FAM47E: variants seen among roughly 807,000 people sequenced by gnomAD.
FAM47E encodes family with sequence similarity 47 member E, also known as protein FAM47E.
FAM47E carries 32 observed loss-of-function variants against 41.6 expected under a neutral mutation model. The ratio of observed to expected loss-of-function variants is 0.77; its 90% confidence interval spans 0.58 to 1.03. FAM47E has a LOEUF of 1.03. FAM47E is among the 50% of genes least tolerant of loss of function. The pLI is 0.00. For missense variants in FAM47E, 424 were observed against 485.4 expected, an observed-to-expected ratio of 0.87 and a Z score of 1.19; for synonymous variants, 184 against 188.7, an observed-to-expected ratio of 0.98 and a Z score of 0.20.
At chr4:76,257,835 A>G (rs1026439602) in intron 2 of FAM47E, among the ~76,000 whole-genome samples, 4 of 152,074 alleles carry the variant, frequency 2.6e-5, no homozygotes, top group Non-Finnish European at 5.9e-5. Flanking sequence ...CTCCTCCCAC[A>G]ATGAAAGCTT....
intron 2 of FAM47E, among the ~76,000 whole-genome samples, chr4:76,240,533 G>A (rs1199374969): frequency 6.6e-6 from 1 of 152,074 alleles, no homozygotes; most frequent in Non-Finnish European, 1.5e-5. Flanking sequence ...CCTGTGTGGG[G>A]CTGTTTGACG....
chr4:76,217,750 G>A (rs1195442726), intron 2 of FAM47E: 3 of 500,696 alleles, frequency 6.0e-6, no homozygotes, highest in Non-Finnish European at 7.2e-6. Context: ...GCTGTGGCAA[G>A]GAGATACGGT....
intron 7 of FAM47E, 104 bp from the exon 8 acceptor site, chr4:76,283,277 T>TA (rs1735434570): frequency 1.5e-6 from 1 of 656,706 alleles, no homozygotes; most frequent in African/African-American, 1.8e-5. Flanking sequence ...GGATATATAT[T>TA]AGAGTGTGAA....
rs143622615 is a variant in FAM47E, at chr4:76,264,795, C to T, written c.560+952C>T. Among the ~76,000 whole-genome samples, 382 of 152,298 alleles carry T rather than the reference C, an allele frequency of 2.5e-3. 2 individuals carry two copies. Among genetic ancestry groups the T allele is most frequent in the African/African-American group, 8.7e-3 (362 of 41,548 alleles). On this transcript the variant is annotated intron_variant, in intron 3 of 7. Coordinates refer to ENST00000424749, the MANE Select transcript of FAM47E (RefSeq NM_001136570.3). ...ACTTTTGGTAGAGGCAAAGTTTCGC[C>T]ATGTTGGCCAGCCTAGTCTTGAACT...
intron 2 of FAM47E, among the ~76,000 whole-genome samples, chr4:76,256,834 G>A (rs1734216270): frequency 6.6e-6 from 1 of 152,164 alleles, no homozygotes; most frequent in Non-Finnish European, 1.5e-5. Context: ...TGTACTTTGT[G>A]TTGTGACTTT....
intron 2 of FAM47E, among the ~76,000 whole-genome samples, chr4:76,228,296 A>G (rs1733434080): frequency 6.6e-6 from 1 of 152,056 alleles, no homozygotes; most frequent in African/African-American, 2.4e-5. Context: ...CCTGGCCAAC[A>G]TGGTGAAACC....
upstream of FAM47E, among the ~76,000 whole-genome samples, chr4:76,247,031 C>A (rs578089190): frequency 3.3e-5 from 5 of 152,128 alleles, no homozygotes; most frequent in South Asian, 4.1e-4. Flanking sequence ...CAATATTATG[C>A]AATCATTATC....
intron 2 of FAM47E, among the ~76,000 whole-genome samples, chr4:76,232,997 G>C (rs942858295): frequency 6.6e-6 from 1 of 152,114 alleles, no homozygotes; most frequent in African/African-American, 2.4e-5. Flanking sequence ...CCAGTTGTTT[G>C]AACCTTCAGC....
intron 2 of FAM47E, among the ~76,000 whole-genome samples, chr4:76,226,280 G>T (rs1733396989): frequency 6.6e-6 from 1 of 152,164 alleles, no homozygotes; most frequent in African/African-American, 2.4e-5. Flanking sequence ...AACAGGTGAG[G>T]ACATGAGGAC....
intron 3 of FAM47E, among the ~76,000 whole-genome samples, chr4:76,264,055 G>A (rs1393347932): frequency 6.6e-6 from 1 of 152,188 alleles, no homozygotes; most frequent in Non-Finnish European, 1.5e-5. Flanking sequence ...GCAGACACAG[G>A]CGTCTATAAG....
intron 2 of FAM47E, among the ~76,000 whole-genome samples, chr4:76,240,849 C>A (rs1161134705): frequency 6.6e-6 from 1 of 152,082 alleles, no homozygotes; most frequent in African/African-American, 2.4e-5. Context: ...CTTTGGGTAA[C>A]TTTAAGACAG....
Position 76,251,864 on chromosome 4 carries a change from C to G in FAM47E, c.74+44C>G, listed in dbSNP as rs546112106. ...GGCCGAGGGCGCATCCCACGCGGGC[C>G]GCGCGGGGGCGCCTGGAGACCCGCG... On this transcript the variant is annotated intron_variant, in intron 1 of 7. Coordinates refer to ENST00000424749, the MANE Select transcript of FAM47E (RefSeq NM_001136570.3). 7 of 1,364,980 alleles carry G rather than the reference C, an allele frequency of 5.1e-6. No homozygotes were observed. The Admixed American group carries it at 1.9e-4, about 36-fold the overall frequency. 84.6% of individuals were successfully genotyped at this position (1,364,980 alleles called of 1,614,324 possible). A position where few individuals can be genotyped will look rare whatever the true frequency, so the allele number is the denominator to read the frequency against.
chr4:76,215,210 G>A (rs748198155), intron 1 of FAM47E, among the ~76,000 whole-genome samples: 7 of 152,216 alleles, frequency 4.6e-5, no homozygotes, highest in Non-Finnish European at 8.8e-5. Context: ...TATCTACACT[G>A]CAAGATCCAA....
rs1438077730 is a variant in FAM47E at position 76,251,799 on chromosome 4, A to C, written c.53A>C (p.Glu18Ala). Residue 18 changes from glutamate (E) to alanine (A), a missense_variant, in exon 1 of 8, where the codon GAG (glutamate) becomes GCG (alanine). By Grantham distance (107) the Glu-to-Ala change is moderately radical. Coordinates refer to ENST00000424749, the MANE Select transcript of FAM47E (RefSeq NM_001136570.3). Reference sequence around the variant, plus strand: ...CCGGGGACGTTGGCCCCGGTGCGCGAGGGCGTGAACTGCAGGTCCAGGTAA... The same window carrying C: ...CCGGGGACGTTGGCCCCGGTGCGCGCGGGCGTGAACTGCAGGTCCAGGTAA... ...LRPGTLAPVR[E>A]GVNCRSRCFT... The C allele has an allele frequency of 6.7e-7, 1 of 1,490,560 alleles. No homozygotes were observed. Among genetic ancestry groups the C allele is most frequent in the Non-Finnish European group, 8.9e-7 (1 of 1,126,742 alleles). 92.3% of individuals were successfully genotyped at this position (1,490,560 alleles called of 1,614,324 possible).
Position 76,278,338 on chromosome 4 carries a change from C to T in FAM47E, c.1026+114C>T, listed in dbSNP as rs111246533. 2,130 of 1,159,092 alleles carry T rather than the reference C, an allele frequency of 1.8e-3. 18 individuals are homozygous for T. In the African/African-American group the frequency reaches 0.03, roughly 16 times the overall value. 71.8% of individuals were successfully genotyped at this position (1,159,092 alleles called of 1,614,324 possible). On this transcript the variant is annotated intron_variant, in intron 6 of 7. Transcript: ENST00000424749. ...TAATACAAAGGCTCCTGAAAGCCCT[C>T]CACCTTGCATATTGAATTCAGCAAG... is the stretch of plus-strand genomic sequence containing the variant.
At chr4:76,246,550 G>C (rs1164300413) in intron 2 of FAM47E, among the ~76,000 whole-genome samples, 2 of 151,832 alleles carry the variant, frequency 1.3e-5, no homozygotes, top group African/African-American at 4.8e-5. Flanking sequence ...TTCTCTTATT[G>C]AATAACTTAC....
At chr4:76,272,645 C>T (rs1271997974) in intron 5 of FAM47E, among the ~76,000 whole-genome samples, 1 of 152,098 alleles carries the variant, frequency 6.6e-6, no homozygotes, top group East Asian at 1.9e-4. Context: ...TTTTTCCATT[C>T]TCCTTTCATC....
intron 4 of FAM47E, 49 bp from the exon 5 acceptor site, chr4:76,271,512 AAGCAAAG>A: frequency 6.5e-7 from 1 of 1,541,518 alleles, no homozygotes; most frequent in South Asian, 1.2e-5. Context: ...TTAAAGAAGA[AAGCAAAG>A]AGCATTTCAC....
chr4:76,234,495 C>CTAGA (rs1733550087), intron 2 of FAM47E: 1 of 152,154 alleles, frequency 6.6e-6, no homozygotes, highest in South Asian at 2.1e-4. Context: ...AGAGTCCCTG[C>CTAGA]TAGAATGCTT....
Sources: gnomAD v4.1 joint callset for allele counts (sites outside exome capture counted in the v4.1 genomes callset) on GRCh38, gnomAD v4.1.1 for gene constraint, MANE v1.5 for transcripts, NCBI Gene and HGNC (gene_info 2026-07-23, HGNC 2026-07-21) for gene names.